DDX17: variants seen among roughly 807,000 people sequenced by gnomAD.
DDX17 encodes the protein DEAD-box helicase 17.
In DDX17, 10 loss-of-function variants were observed where a neutral mutation model predicts 80.8. The observed-to-expected ratio is 0.12, with a 90% CI of 0.08 to 0.21. The LOEUF (loss-of-function observed/expected upper bound fraction) is 0.21. DDX17 is among the 10% of genes least tolerant of loss of function. The pLI is 1.00. For missense variants in DDX17, 586 were observed against 957.4 expected (o/e 0.61, Z 5.12); for synonymous variants, 339 against 336.2 (o/e 1.01, Z -0.09).
chr22:38,493,004 G>A (rs1003653013), intron 10 of DDX17, among the ~76,000 whole-genome samples: 1 of 152,156 alleles, frequency 6.6e-6, no homozygotes, highest in Non-Finnish European at 1.5e-5. Flanking sequence ...AATAAAGGGA[G>A]GGTGGTGAAA....
rs1275840413 is a variant in DDX17 at position 38,494,888 on chromosome 22, T to G, written c.1039A>C (p.Arg347=). The change falls in exon 7 of 13, where the codon AGG becomes CGG. Residue 347 remains arginine, a splice_region_variant and synonymous_variant. Transcript: ENST00000403230. ...TGCTTATTATTAGCTTTACACACCC[T>G]GATTTGGTCAACAATTTTACGGATC... 3 of 1,614,010 alleles carry G rather than the reference T, an allele frequency of 1.9e-6. No homozygotes were observed. The highest frequency in any genetic ancestry group is 1.3e-5 in the African/African-American group (1 of 74,948).
At chr22:38,497,133 TA>T (rs1219079629) in intron 5 of DDX17, among the ~76,000 whole-genome samples, 1 of 149,768 alleles carries the variant, frequency 6.7e-6, no homozygotes, top group Non-Finnish European at 1.5e-5. Flanking sequence ...CCGTCTCTAC[TA>T]AAAATACAAA....
At chr22:38,488,835 A>C in intron 11 of DDX17, 1 of 985,430 alleles carries the variant, frequency 1.0e-6, no homozygotes, top group Non-Finnish European at 1.2e-6. Flanking sequence ...TTCTGCCAAA[A>C]TGAGGATATT....
chr22:38,488,555 T>C (rs2089684414), intron 11 of DDX17: 4 of 996,752 alleles, frequency 4.0e-6, no homozygotes, highest in East Asian at 1.1e-4. Flanking sequence ...TGGCAAAATC[T>C]ACCAACAACA....
chr22:38,488,199 G>A (rs775430282), intron 11 of DDX17, 84 bp from the exon 12 acceptor site: 1 of 1,606,370 alleles, frequency 6.2e-7, no homozygotes, highest in South Asian at 1.1e-5. Flanking sequence ...CAGGTGGGAA[G>A]CACGAATGCA....
At chr22:38,498,213 G>A (rs1272676559) in intron 4 of DDX17, 63 bp from the exon 5 acceptor site, 5 of 1,556,938 alleles carry the variant, frequency 3.2e-6, no homozygotes, top group Non-Finnish European at 4.4e-6. Flanking sequence ...TAGATACTTA[G>A]TAATTACTGA....
At position 38,500,535 on chromosome 22, in the gene DDX17, G is replaced by A. The variant is rs148679681; in HGVS notation, c.438+595C>T. ...TCTCAAAAATAAAAAGAGGCTGGGC[G>A]TGGTGGCTCACGCCTGTAATCCCAG... is the stretch of plus-strand genomic sequence containing the variant. On this transcript the variant is annotated intron_variant, in intron 2 of 12. Coordinates refer to ENST00000403230, the MANE Select transcript of DDX17 (RefSeq NM_006386.5). Among the ~76,000 whole-genome samples, 792 of 151,882 alleles carry A rather than the reference G, an allele frequency of 5.2e-3. 4 individuals are homozygous for A. Among genetic ancestry groups the A allele is most frequent in the African/African-American group, 0.018 (757 of 41,404 alleles).
At chr22:38,488,991 T>C (rs1007734436) in intron 11 of DDX17, 2 of 985,304 alleles carry the variant, frequency 2.0e-6, no homozygotes, top group South Asian at 4.7e-5. Context: ...TCTCTACTGC[T>C]GGGAATTGGG....
Position 38,489,950 on chromosome 22 carries a change from C to T in DDX17, c.1448-1835G>A, listed in dbSNP as rs1307575721. 3 of 1,004,648 alleles carry T rather than the reference C, an allele frequency of 3.0e-6. No individual in the cohort carries two copies. The highest frequency in any genetic ancestry group is 5.0e-4 in the Middle Eastern group (1 of 2,006). The allele number at this position is 1,004,648 out of a possible 1,614,324, so 62.2% of individuals were successfully genotyped here. ...GGCAGTAGAACAAGTTCAATTACTACACTGGATGCGTTAAGTGTGCTTTCC... is the reference window on the plus strand; with the variant it reads ...GGCAGTAGAACAAGTTCAATTACTATACTGGATGCGTTAAGTGTGCTTTCC... On this transcript the variant is annotated intron_variant, in intron 11 of 12. Coordinates refer to ENST00000403230, the MANE Select transcript of DDX17 (RefSeq NM_006386.5). This position sits in a 1 kb window ranked among gnomAD's most constrained non-coding sequence, Gnocchi z 4.6.
In DDX17 at chr22:38,485,839, G is replaced by GA. The variant is rs762776406; in HGVS notation, c.*95dup. 4.0e-4 allele frequency: 530 copies of GA among 1,339,054 alleles called. No individual in the cohort carries two copies. The highest frequency in any genetic ancestry group is 6.4e-4 in the South Asian group (38 of 59,282). The allele number at this position is 1,339,054 out of a possible 1,614,324, so 82.9% of individuals were successfully genotyped here. A position where few individuals can be genotyped will look rare whatever the true frequency, so the allele number is the denominator to read the frequency against. On this transcript the variant is annotated 3_prime_UTR_variant, in exon 13 of 13. Coordinates refer to ENST00000403230, the MANE Select transcript of DDX17 (RefSeq NM_006386.5). Reference sequence around the variant, plus strand: ...AATTAAAAAAAAAAAAAGAAAAAAGGAAAAAAAAAGAAAAGGCGAAGAGGA... The same window carrying GA: ...AATTAAAAAAAAAAAAAGAAAAAAGGAAAAAAAAAAGAAAAGGCGAAGAGGA...
At chr22:38,492,013 A>C (rs749924832) in intron 11 of DDX17, 43 bp downstream of exon 11, 1 of 1,399,222 alleles carries the variant, frequency 7.1e-7, no homozygotes, top group Non-Finnish European at 9.8e-7. Context: ...CTTTAAACCA[A>C]AAGATACATA....
chr22:38,487,908 A>G lies in DDX17; in HGVS notation c.1655T>C (p.Val552Ala). ...GCCTCCGCCGCCTCCTCTGTGGTCC[A>G]CAAGCTGCATCAGTTTTGGATTGAT... The change falls in exon 12 of 13, where the codon GTG becomes GCG. Residue 552 changes from valine (V) to alanine (A), a missense_variant. This residue lies in a region of DDX17 where 221 missense variants were observed against 261.4 expected (regional missense o/e 0.85). Transcript: ENST00000403230. 6.2e-7 allele frequency: 1 copy of G among 1,614,246 alleles called. No homozygotes were observed. The highest frequency in any genetic ancestry group is 8.5e-7 in the Non-Finnish European group (1 of 1,180,040).
At chr22:38,493,864 G>T in intron 9 of DDX17, 93 bp from the exon 10 acceptor site, 3 of 1,360,198 alleles carry the variant, frequency 2.2e-6, no homozygotes, top group South Asian at 1.2e-5. Context: ...ATTTTTGTAA[G>T]GTTTGTCAGG....
intron 12 of DDX17, 54 bp from the exon 13 acceptor site, chr22:38,486,494 A>G (rs932630468): frequency 6.7e-7 from 1 of 1,483,050 alleles, no homozygotes; most frequent in Non-Finnish European, 9.0e-7. Context: ...CCTAAACATA[A>G]CAATGTAAAA....
intron 3 of DDX17, 145 bp from the exon 4 acceptor site, chr22:38,498,718 G>C (rs535225757): frequency 3.3e-5 from 28 of 837,428 alleles, no homozygotes; most frequent in African/African-American, 1.0e-4. Flanking sequence ...CTAGATCTCC[G>C]ACCAACTCAC....
chr22:38,493,542 A>T, intron 10 of DDX17, 168 bp downstream of exon 10: 1 of 613,878 alleles, frequency 1.6e-6, no homozygotes, highest in Non-Finnish European at 3.0e-6. Flanking sequence ...GTCCTAAAAC[A>T]GCAGTGCTGA....
chr22:38,504,141 A>G (rs1794099204), intron 1 of DDX17, among the ~76,000 whole-genome samples: 1 of 152,228 alleles, frequency 6.6e-6, no homozygotes, highest in Non-Finnish European at 1.5e-5. Context: ...TTTCACCCTA[A>G]TAACCACTAC....
intron 9 of DDX17, 93 bp from the exon 10 acceptor site, chr22:38,493,864 GGTTT>G: frequency 7.4e-7 from 1 of 1,360,200 alleles, no homozygotes; most frequent in Non-Finnish European, 1.0e-6. Flanking sequence ...ATTTTTGTAA[GGTTT>G]GTCAGGCTTC....
At chr22:38,500,950 G>A (rs138455) in intron 2 of DDX17, among the ~76,000 whole-genome samples, 180 bp downstream of exon 2, 130,095 of 146,886 alleles carry the variant, frequency 0.89, 58,576 homozygotes, top group Non-Finnish European at 0.96. Context: ...GGGGAATATG[G>A]CGAAACCCGG....
Sources: allele counts gnomAD v4.1 joint callset (sites outside exome capture counted in the v4.1 genomes callset), GRCh38; gene constraint gnomAD v4.1.1; regional missense constraint gnomAD v4.1.1; non-coding constraint Gnocchi (gnomAD v3.1); transcripts MANE v1.5; gene names NCBI Gene and HGNC (gene_info 2026-07-23, HGNC 2026-07-21).